The following SUGCT variants were observed in gnomAD, a reference collection of about 807,000 sequenced individuals.
SUGCT encodes the protein succinyl-CoA:glutarate-CoA transferase.
SUGCT carries 41 observed loss-of-function variants against 55.0 expected under a neutral mutation model. The ratio of observed to expected loss-of-function variants is 0.74; its 90% CI spans 0.58 to 0.97. The LOEUF (loss-of-function observed/expected upper bound fraction) is 0.97, where lower values mean the gene tolerates loss of function less well. Ranked by LOEUF, SUGCT falls within the 50% of genes least tolerant of loss-of-function variation. The probability of loss-of-function intolerance (pLI) is 0.00; values close to 1 mark genes in which losing one functional copy is unlikely to be tolerated. For synonymous variants in SUGCT, 187 were observed against 200.4 expected (o/e 0.93, Z 0.56); for missense variants, 568 against 547.8 (o/e 1.04, Z -0.37).
chr7:40,699,343 G>C (rs1270088842), intron 12 of SUGCT, among the ~76,000 whole-genome samples: 1 of 152,106 alleles, frequency 6.6e-6, no homozygotes, highest in Non-Finnish European at 1.5e-5. Context: ...AGAGCGAGTA[G>C]GTTTGTGTGT....
At position 40,387,112 on chromosome 7, in the gene SUGCT, G is replaced by C. The variant is rs531817154; in HGVS notation, c.817-62175G>C. On this transcript the variant is annotated intron_variant, in intron 9 of 13. Coordinates refer to ENST00000335693, the MANE Select transcript of SUGCT (RefSeq NM_001193313.2). ...GCAAGACCTGGCTCTCTTCTCAGGAGGTAGGATGAGGTATCAAAAGGCAAA... is the reference window on the plus strand; with the variant it reads ...GCAAGACCTGGCTCTCTTCTCAGGACGTAGGATGAGGTATCAAAAGGCAAA... Among the ~76,000 whole-genome samples the C allele has an allele frequency of 2.0e-5, 3 of 152,276 alleles. No individual in the cohort carries two copies. The South Asian group carries it at 6.2e-4, about 32-fold the overall frequency.
intron 13 of SUGCT, among the ~76,000 whole-genome samples, chr7:40,836,902 T>C (rs767959784): frequency 3.3e-5 from 5 of 152,212 alleles, no homozygotes; most frequent in Non-Finnish European, 7.3e-5. Context: ...TGAACATTCA[T>C]GAGCAGATTT....
At chr7:40,914,278 C>CT in the SUGCT span, among the ~76,000 whole-genome samples, 260 of 83,774 alleles carry the variant, frequency 3.1e-3, no homozygotes, top group Admixed American at 6.8e-3. Flanking sequence ...TTTTCTTTTT[C>CT]TTTTTTTTTT....
the SUGCT span, among the ~76,000 whole-genome samples, chr7:41,022,306 C>T: frequency 2.0e-5 from 3 of 152,114 alleles, no homozygotes; most frequent in Non-Finnish European, 4.4e-5. Flanking sequence ...AAAGTACTTA[C>T]TAACTTTATA....
intron 12 of SUGCT, among the ~76,000 whole-genome samples, chr7:40,554,700 C>T (rs1795471900): frequency 6.6e-6 from 1 of 152,192 alleles, no homozygotes. Context: ...TTGTCATATT[C>T]TTAATTTATG....
chr7:41,011,294 G>T, the SUGCT span, among the ~76,000 whole-genome samples: 1 of 152,236 alleles, frequency 6.6e-6, no homozygotes, highest in Admixed American at 6.5e-5. Flanking sequence ...GGTTTCGTGT[G>T]TACCTACTGT....
At chr7:40,979,215 C>A in the SUGCT span, among the ~76,000 whole-genome samples, 9 of 152,286 alleles carry the variant, frequency 5.9e-5, no homozygotes, top group African/African-American at 2.2e-4. Context: ...CATCCACAAG[C>A]AAACATCCTT....
chr7:40,818,554 ATGGACAT>A (rs898996339), intron 13 of SUGCT, among the ~76,000 whole-genome samples: 22 of 152,218 alleles, frequency 1.4e-4, no homozygotes, highest in Admixed American at 3.3e-4. Context: ...AGCCTGTATC[ATGGACAT>A]TAATAATGTA....
intron 9 of SUGCT, among the ~76,000 whole-genome samples, chr7:40,440,145 G>GTTT (rs138984553): frequency 3.7e-4 from 25 of 68,434 alleles, no homozygotes; most frequent in South Asian, 7.1e-4. Context: ...GTGTGTGTGT[G>GTTT]TTTTTTTTTT....
chr7:40,506,174 G>A (rs1304276649), intron 12 of SUGCT, among the ~76,000 whole-genome samples: 2 of 152,092 alleles, frequency 1.3e-5, no homozygotes, highest in Non-Finnish European at 2.9e-5. Flanking sequence ...TCATTTTAAT[G>A]TAAGTCTATT....
chr7:40,442,776 G>C (rs1334246177), intron 9 of SUGCT, among the ~76,000 whole-genome samples: 2 of 152,088 alleles, frequency 1.3e-5, no homozygotes, highest in Non-Finnish European at 2.9e-5. Flanking sequence ...ACAACGTGCA[G>C]GTTTGTTACA....
chr7:40,925,467 T>C, the SUGCT span, among the ~76,000 whole-genome samples: 1 of 152,232 alleles, frequency 6.6e-6, no homozygotes. Flanking sequence ...AGATAACTAT[T>C]GTGACAAACC....
intron 12 of SUGCT, among the ~76,000 whole-genome samples, chr7:40,617,475 ATGTGTGTGTG>A (rs34487309): frequency 1.5e-4 from 22 of 143,656 alleles, no homozygotes; most frequent in East Asian, 6.3e-4. Context: ...TTAGATTTAT[ATGTGTGTGTG>A]TGTGTGTGTG....
At position 40,329,317 on chromosome 7, in the gene SUGCT, A is replaced by G. The variant is rs1366531807; in HGVS notation, c.816+12462A>G. On this transcript the variant is annotated intron_variant, in intron 9 of 13. Transcript: ENST00000335693. ...TCTGTACTGGAGACTTGAACAAATC[A>G]TGTTGATGTATAAGTATGGCTGTGA... Among the ~76,000 whole-genome samples, 3 of 152,156 alleles carry G rather than the reference A, an allele frequency of 2.0e-5. No homozygotes were observed. In the East Asian group the frequency reaches 5.8e-4, roughly 29 times the overall value.
chr7:40,909,658 T>G, the SUGCT span, among the ~76,000 whole-genome samples: 1 of 152,204 alleles, frequency 6.6e-6, no homozygotes, highest in African/African-American at 2.4e-5. Context: ...TCTGGAATTC[T>G]GTTTTCTCAT....
At chr7:40,389,312 G>A (rs969892645) in intron 9 of SUGCT, among the ~76,000 whole-genome samples, 4 of 151,978 alleles carry the variant, frequency 2.6e-5, no homozygotes, top group African/African-American at 9.7e-5. Flanking sequence ...AGCTGGGCAC[G>A]GTGGCAGACA....
At chr7:40,909,582 T>G in the SUGCT span, among the ~76,000 whole-genome samples, 2 of 152,236 alleles carry the variant, frequency 1.3e-5, no homozygotes, top group African/African-American at 4.8e-5. Flanking sequence ...GAGGCTATTC[T>G]TAGACATTGG....
chr7:40,776,902 T>C (rs1223321721), intron 13 of SUGCT, among the ~76,000 whole-genome samples: 1 of 151,576 alleles, frequency 6.6e-6, no homozygotes, highest in African/African-American at 2.4e-5. Flanking sequence ...TAGGATGAAA[T>C]CCATTTGCCA....
intron 9 of SUGCT, among the ~76,000 whole-genome samples, chr7:40,332,405 A>G (rs1796362213): frequency 1.3e-5 from 2 of 151,576 alleles, no homozygotes; most frequent in African/African-American, 4.8e-5. Flanking sequence ...TTAAAAATAA[A>G]CTCATCTTTC....
Sources: allele counts gnomAD v4.1 joint callset (sites outside exome capture counted in the v4.1 genomes callset), GRCh38; gene constraint gnomAD v4.1.1; transcripts MANE v1.5; gene names NCBI Gene and HGNC (gene_info 2026-07-23, HGNC 2026-07-21).